The following ANKLE2 variants were observed in gnomAD, a reference collection of about 807,000 sequenced individuals.
The protein encoded by ANKLE2 is ankyrin repeat and LEM domain-containing protein 2.
Under a neutral mutation model 84.2 loss-of-function variants are expected in ANKLE2, and 55 were observed. That is an observed-to-expected ratio of 0.65 (90% CI 0.53 to 0.82). The LOEUF is 0.82. Ranked by LOEUF, ANKLE2 falls within the 40% of genes least tolerant of loss-of-function variation. ANKLE2 has a pLI of 0.00. For missense variants in ANKLE2, 1,238 were observed against 1,201.9 expected, an observed-to-expected ratio of 1.03 and a Z score of -0.44; for synonymous variants, 551 against 486.1, an observed-to-expected ratio of 1.13 and a Z score of -1.76.
At position 132,726,432 on chromosome 12, in the gene ANKLE2, G is replaced by A. The variant is rs1003939830; in HGVS notation, c.*810C>T. The A allele has an allele frequency of 2.0e-5, 3 of 152,168 alleles. No individual in the cohort carries two copies. Among genetic ancestry groups the A allele is most frequent in the African/African-American group, 7.2e-5 (3 of 41,420 alleles). 9.4% of individuals were successfully genotyped at this position (152,168 alleles called of 1,614,324 possible). On this transcript the variant is annotated 3_prime_UTR_variant, in exon 13 of 13. Transcript: ENST00000357997. ...CTCAACAAAGCCTCAGGATAAATTTGAAAACAGAACAATGTATAGACTGTA... is the reference window on the plus strand; with the variant it reads ...CTCAACAAAGCCTCAGGATAAATTTAAAAACAGAACAATGTATAGACTGTA...
chr12:132,741,374 TC>T, intron 7 of ANKLE2, 44 bp downstream of exon 7: 1 of 1,600,206 alleles, frequency 6.2e-7, no homozygotes, highest in Non-Finnish European at 8.6e-7. Context: ...CCAAGGCCCT[TC>T]CCGGCGTGGA....
chr12:132,739,244 CT>C (rs888707763), intron 7 of ANKLE2, among the ~76,000 whole-genome samples: 1 of 152,274 alleles, frequency 6.6e-6, no homozygotes. Context: ...ACACTTACCC[CT>C]GAACCTAAAA....
At position 132,754,700 on chromosome 12, in the gene ANKLE2, C is replaced by A. The variant is rs1214803587; in HGVS notation, c.615G>T (p.Val205=). 3 of 1,612,016 alleles carry A rather than the reference C, an allele frequency of 1.9e-6. No individual in the cohort carries two copies. The highest frequency in any genetic ancestry group is 1.7e-6 in the Non-Finnish European group (2 of 1,178,882). The change falls in exon 2 of 13, where the codon GTG becomes GTT. Residue 205 remains valine (V), a synonymous_variant. Coordinates refer to ENST00000357997, the MANE Select transcript of ANKLE2 (RefSeq NM_015114.3). ...CATTTCTCGCTGGGACGTCCTCATACACTGGACACACCCCATAGTACAGGG... is the reference window on the plus strand; with the variant it reads ...CATTTCTCGCTGGGACGTCCTCATAAACTGGACACACCCCATAGTACAGGG... The part of the protein sequence containing the change: ...EPPLYYGVCP[V]YEDVPARNER...
chr12:132,746,987 G>A (rs897348457), intron 5 of ANKLE2, among the ~76,000 whole-genome samples: 1 of 152,210 alleles, frequency 6.6e-6, no homozygotes, highest in Non-Finnish European at 1.5e-5. Context: ...CCTGTCTTTA[G>A]CACCCTTTAG....
chr12:132,737,082 G>C lies in ANKLE2; in HGVS notation c.1421-17C>G, dbSNP rs763588248. 2.5e-6 allele frequency: 4 copies of C among 1,577,026 alleles called. No homozygotes were observed. In the African/African-American group the frequency reaches 5.4e-5, roughly 21 times the overall value. On this transcript the variant is annotated splice_polypyrimidine_tract_variant and intron_variant, in intron 7 of 12. Coordinates refer to ENST00000357997, the MANE Select transcript of ANKLE2 (RefSeq NM_015114.3). Reference sequence around the variant, plus strand: ...AGTAGTGGCCTGAGGGAGGAGACAGGCACTGGCTGCAGGCTTCCGCCCCCT... The same window carrying C: ...AGTAGTGGCCTGAGGGAGGAGACAGCCACTGGCTGCAGGCTTCCGCCCCCT...
At chr12:132,748,465 G>C in intron 3 of ANKLE2, 134 bp from the exon 4 acceptor site, 1 of 970,858 alleles carries the variant, frequency 1.0e-6, no homozygotes, top group Non-Finnish European at 1.5e-6. Flanking sequence ...GGTGAGAAAA[G>C]ACGAGAAGGG....
intron 1 of ANKLE2, chr12:132,760,826 C>A (rs2044609917): frequency 6.6e-6 from 1 of 152,238 alleles, no homozygotes; most frequent in Admixed American, 6.5e-5. Flanking sequence ...CTTCACCCCT[C>A]TCTCCTCCCC....
intron 5 of ANKLE2, chr12:132,745,087 G>C (rs907562614): frequency 3.3e-5 from 5 of 152,572 alleles, no homozygotes; most frequent in African/African-American, 4.8e-5. Flanking sequence ...GCTGCTGCCT[G>C]CTCGGCTCCC....
Position 132,747,965 on chromosome 12 carries a change from A to G in ANKLE2, c.1097T>C (p.Ile366Thr). The G allele has an allele frequency of 6.3e-7, 1 of 1,598,312 alleles. No homozygotes were observed. The highest frequency in any genetic ancestry group is 8.5e-7 in the Non-Finnish European group (1 of 1,176,120). The change falls in exon 5 of 13, where the codon ATC becomes ACC. Residue 366 changes from isoleucine (I) to threonine (T), a missense_variant. Transcript: ENST00000357997. ...HVAAKENQAS[I>T]CQLTLDVLEN... Reference sequence around the variant, plus strand: ...CAGGACGTCCAGAGTCAGCTGGCAGATGGAAGCCTGGTTCTCTTTGGCAGC... The same window carrying G: ...CAGGACGTCCAGAGTCAGCTGGCAGGTGGAAGCCTGGTTCTCTTTGGCAGC...
At chr12:132,733,463 A>G (rs879111451) in intron 10 of ANKLE2, among the ~76,000 whole-genome samples, 215 of 67,834 alleles carry the variant, frequency 3.2e-3, no homozygotes, top group Admixed American at 7.2e-3. Context: ...TGTCTGATAT[A>G]CCCCGTGTGA....
At chr12:132,732,266 C>CACTCT in intron 10 of ANKLE2, 1 of 130,110 alleles carries the variant, frequency 7.7e-6, no homozygotes, top group Non-Finnish European at 1.7e-5. Context: ...CCGTGTGAAG[C>CACTCT]GCTCTGCATC....
chr12:132,740,152 G>A (rs555057359), intron 7 of ANKLE2, among the ~76,000 whole-genome samples: 29 of 152,324 alleles, frequency 1.9e-4, no homozygotes, highest in African/African-American at 4.3e-4. Flanking sequence ...GTGTTCCCAG[G>A]GCCTCTGAAG....
At chr12:132,752,251 A>T (rs1205687619) in intron 2 of ANKLE2, among the ~76,000 whole-genome samples, 2 of 152,186 alleles carry the variant, frequency 1.3e-5, no homozygotes, top group Non-Finnish European at 2.9e-5. Flanking sequence ...GCAGCAGGAA[A>T]ATCACTGGAA....
intron 1 of ANKLE2, chr12:132,761,049 C>G (rs2044613435): frequency 6.6e-6 from 1 of 152,292 alleles, no homozygotes; most frequent in Non-Finnish European, 1.5e-5. Context: ...GTATCAGTTA[C>G]CTCAAACTTA....
chr12:132,728,141 G>C lies in ANKLE2; in HGVS notation c.2506C>G (p.Gln836Glu). Reference sequence around the variant, plus strand: ...CATTCAAGAGCGGCCAAAACATCCTGATCGAGTTTTGATGGCTCCTCTCTA... The same window carrying C: ...CATTCAAGAGCGGCCAAAACATCCTCATCGAGTTTTGATGGCTCCTCTCTA... ...LFGEEPSKLDQDVLAALECAD... is the reference protein window; with the variant it reads ...LFGEEPSKLDEDVLAALECAD... Residue 836 changes from glutamine to glutamate, a missense_variant, in exon 12 of 13, where the codon CAG becomes GAG. Physicochemically the swap from Gln to Glu is conservative, Grantham distance 29. Around this residue, in one of 3 missense-constraint regions of ANKLE2, gnomAD observed 802 missense variants for 774.5 expected, o/e 1.04. Transcript: ENST00000357997. The C allele has an allele frequency of 1.2e-6, 2 of 1,612,784 alleles. No homozygotes were observed. The highest frequency in any genetic ancestry group is 1.7e-6 in the Non-Finnish European group (2 of 1,179,890).
chr12:132,747,495 C>A (rs529747053), intron 5 of ANKLE2, among the ~76,000 whole-genome samples: 7 of 152,338 alleles, frequency 4.6e-5, no homozygotes, highest in Non-Finnish European at 8.8e-5. Context: ...CTGTGGTGTG[C>A]ACAGCTCTGC....
rs1176426547 is a variant in ANKLE2, at chr12:132,761,785, C to A, written c.14G>T (p.Arg5Leu). 2.6e-6 allele frequency: 3 copies of A among 1,144,590 alleles called. No homozygotes were observed. The highest frequency in any genetic ancestry group is 1.6e-5 in the African/African-American group (1 of 60,746). 70.9% of individuals were successfully genotyped at this position (1,144,590 alleles called of 1,614,324 possible). MLWPRLAAAEWAALA... is the reference protein window; with the variant it reads MLWPLLAAAEWAALA... ...CGCCGCCCACTCGGCCGCCGCCAGC[C>A]GCGGCCACAGCATCGCCGCCGCCCG... Residue 5 changes from arginine (R) to leucine (L), a missense_variant, in exon 1 of 13, where the codon CGG becomes CTG. Arg to Leu is a moderately radical substitution (Grantham distance 102, BLOSUM62 -2). Coordinates refer to ENST00000357997, the MANE Select transcript of ANKLE2 (RefSeq NM_015114.3).
intron 10 of ANKLE2, chr12:132,733,959 T>C (rs2043950298): frequency 4.4e-6 from 2 of 457,570 alleles, no homozygotes; most frequent in African/African-American, 2.0e-5. Context: ...TTATTTTTCA[T>C]GTACCCTCCC....
chr12:132,749,595 GAAGGA>G (rs1162345618), intron 3 of ANKLE2, among the ~76,000 whole-genome samples: 9 of 152,256 alleles, frequency 5.9e-5, no homozygotes, highest in Non-Finnish European at 1.2e-4. Flanking sequence ...CGGATGACTG[GAAGGA>G]GAGGGCAACA....
Sources: gnomAD v4.1 joint callset for allele counts (sites outside exome capture counted in the v4.1 genomes callset) on GRCh38, gnomAD v4.1.1 for gene constraint, gnomAD v4.1.1 regional missense constraint, MANE v1.5 for transcripts, NCBI Gene and HGNC (gene_info 2026-07-23, HGNC 2026-07-21) for gene names.